The following TCF7L2 variants were observed in gnomAD, a reference collection of about 807,000 sequenced individuals.
The protein encoded by TCF7L2 is transcription factor 7 like 2, also known as transcription factor 7-like 2.
TCF7L2 carries 23 observed loss-of-function variants against 77.9 expected under a neutral mutation model. The observed-to-expected ratio is 0.30, with a 90% CI of 0.21 to 0.42. The LOEUF (loss-of-function observed/expected upper bound fraction) is 0.42. Among genes scored for constraint, TCF7L2 ranks in the 10% least tolerant of loss-of-function variants. The pLI, the probability that TCF7L2 is intolerant of heterozygous loss-of-function variation, is 1.00. For synonymous variants in TCF7L2, 413 were observed against 340.2 expected (o/e 1.21, Z -2.36); for missense variants, 654 against 793.1 (o/e 0.82, Z 2.11).
chr10:113,071,509 T>C (rs904372602), intron 5 of TCF7L2, among the ~76,000 whole-genome samples: 5 of 152,110 alleles, frequency 3.3e-5, no homozygotes, highest in Admixed American at 3.3e-4. Flanking sequence ...CCCCTCCTTT[T>C]CTCGTCTTTA....
chr10:113,033,434 T>G (rs2050597652), intron 4 of TCF7L2, among the ~76,000 whole-genome samples: 1 of 151,948 alleles, frequency 6.6e-6, no homozygotes, highest in Non-Finnish European at 1.5e-5. Context: ...AATTTTTTTT[T>G]TTTGGTAGAG....
At chr10:113,064,214 G>A (rs769421082) in intron 5 of TCF7L2, among the ~76,000 whole-genome samples, 6 of 152,232 alleles carry the variant, frequency 3.9e-5, no homozygotes, top group South Asian at 4.1e-4. Flanking sequence ...CAAGCTAGCC[G>A]GAAGGAGCCT....
chr10:113,071,602 G>C (rs1451138795), intron 5 of TCF7L2, among the ~76,000 whole-genome samples: 3 of 152,330 alleles, frequency 2.0e-5, no homozygotes, highest in African/African-American at 7.2e-5. Context: ...GTTCTGGGCA[G>C]CAGCTGTAGG....
At chr10:113,049,463 C>A (rs771116439) in intron 5 of TCF7L2, among the ~76,000 whole-genome samples, 1 of 152,094 alleles carries the variant, frequency 6.6e-6, no homozygotes, top group Non-Finnish European at 1.5e-5. Context: ...TGTGTCCTCT[C>A]TACCTTCAAA....
chr10:113,061,380 G>A (rs1259628441), intron 5 of TCF7L2, among the ~76,000 whole-genome samples: 1 of 152,188 alleles, frequency 6.6e-6, no homozygotes, highest in African/African-American at 2.4e-5. Flanking sequence ...TTCACTTGGG[G>A]TGCTCAGTAG....
At chr10:113,076,180 C>G (rs1211854765) in intron 5 of TCF7L2, among the ~76,000 whole-genome samples, 4 of 151,886 alleles carry the variant, frequency 2.6e-5, no homozygotes, top group Admixed American at 1.3e-4. Flanking sequence ...CTCTGTCACC[C>G]AGGCTGGGAT....
chr10:113,101,842 C>CAA (rs71007412), intron 5 of TCF7L2, among the ~76,000 whole-genome samples: 1 of 45,996 alleles, frequency 2.2e-5, no homozygotes, highest in African/African-American at 1.1e-4. Context: ...GACTCCGTCT[C>CAA]AAAAAAAAAA....
At chr10:112,958,785 C>T (rs139438657) in intron 3 of TCF7L2, among the ~76,000 whole-genome samples, 3 of 151,994 alleles carry the variant, frequency 2.0e-5, no homozygotes, top group Admixed American at 6.6e-5. Context: ...ATGTTGTTGT[C>T]GTGTCAGTTT....
At chr10:113,152,503 A>G in intron 11 of TCF7L2, 63 bp downstream of exon 11, 1 of 1,407,992 alleles carries the variant, frequency 7.1e-7, no homozygotes, top group Non-Finnish European at 9.9e-7. Context: ...CTATACGGAC[A>G]AAGAGAACAG....
At chr10:113,106,518 A>C (rs2062340260) in intron 5 of TCF7L2, among the ~76,000 whole-genome samples, 1 of 152,156 alleles carries the variant, frequency 6.6e-6, no homozygotes, top group Non-Finnish European at 1.5e-5. Flanking sequence ...GTATGAATTC[A>C]CTTATTTTCC....
chr10:113,053,872 G>T (rs1464179622), intron 5 of TCF7L2, among the ~76,000 whole-genome samples: 3 of 152,214 alleles, frequency 2.0e-5, no homozygotes, highest in Non-Finnish European at 2.9e-5. Context: ...CTTGAGGGGA[G>T]GATGACGTAC....
intron 13 of TCF7L2, chr10:113,161,559 CT>C: frequency 6.5e-7 from 1 of 1,536,004 alleles, no homozygotes; most frequent in Non-Finnish European, 8.7e-7. Flanking sequence ...TGTGTTGTTT[CT>C]TTGTTCTGAT....
At chr10:113,000,515 T>C (rs1281408322) in intron 4 of TCF7L2, among the ~76,000 whole-genome samples, 1 of 152,224 alleles carries the variant, frequency 6.6e-6, no homozygotes, top group African/African-American at 2.4e-5. Context: ...TGACAGATCC[T>C]GGATTTAACC....
At chr10:113,044,260 G>A (rs770637794) in intron 5 of TCF7L2, among the ~76,000 whole-genome samples, 22 of 152,290 alleles carry the variant, frequency 1.4e-4, no homozygotes, top group Middle Eastern at 3.4e-3. Context: ...AATAATGCAC[G>A]ATGGGTAGAA....
chr10:113,147,295 C>T (rs991111785), intron 8 of TCF7L2, among the ~76,000 whole-genome samples: 4 of 152,174 alleles, frequency 2.6e-5, no homozygotes, highest in South Asian at 2.1e-4. Flanking sequence ...AAGCCAAGAC[C>T]AGAGAAGGGC....
chr10:113,159,389 CTTT>C (rs1243801528), intron 12 of TCF7L2, among the ~76,000 whole-genome samples: 1 of 152,028 alleles, frequency 6.6e-6, no homozygotes, highest in South Asian at 2.1e-4. Flanking sequence ...CCTTTTCTTT[CTTT>C]ATTTCTTTCT....
chr10:113,118,719 T>G (rs1284470755), intron 5 of TCF7L2, among the ~76,000 whole-genome samples: 3 of 151,528 alleles, frequency 2.0e-5, no homozygotes, highest in African/African-American at 7.3e-5. Context: ...TGGTTGCTAT[T>G]TGATAGTAAG....
chr10:113,144,088 C>G (rs2068842303), intron 7 of TCF7L2, 63 bp downstream of exon 7: 6 of 1,261,830 alleles, frequency 4.8e-6, no homozygotes, highest in South Asian at 3.9e-5. Flanking sequence ...ATTATTTATT[C>G]TGTGTGTGTG....
intron 4 of TCF7L2, among the ~76,000 whole-genome samples, chr10:113,012,961 G>C (rs7075199): frequency 1 from 152,254 of 152,256 alleles, 76,126 homozygotes; most frequent in Middle Eastern, 1. Context: ...ACGAACCCAT[G>C]TGGGGTCTTC....
Sources: allele counts gnomAD v4.1 joint callset (sites outside exome capture counted in the v4.1 genomes callset), GRCh38; gene constraint gnomAD v4.1.1; transcripts MANE v1.5; gene names NCBI Gene and HGNC (gene_info 2026-07-23, HGNC 2026-07-21).